TEAD4: variants seen among roughly 807,000 people sequenced by gnomAD.
TEAD4 encodes transcriptional enhancer factor TEF-3.
TEAD4 carries 36 observed loss-of-function variants against 52.4 expected under a neutral mutation model. The ratio of observed to expected loss-of-function variants is 0.69; its 90% CI spans 0.53 to 0.91. The LOEUF (loss-of-function observed/expected upper bound fraction) is 0.91, where lower values mean the gene tolerates loss of function less well. TEAD4 is among the 40% of genes least tolerant of loss of function. TEAD4 has a pLI of 0.00. For synonymous variants in TEAD4, 220 were observed against 231.0 expected (o/e 0.95, Z 0.43); for missense variants, 508 against 583.9 (o/e 0.87, Z 1.34).
intron 2 of TEAD4, among the ~76,000 whole-genome samples, chr12:2,985,485 C>T (rs1449793369): frequency 1.4e-5 from 2 of 147,576 alleles, no homozygotes; most frequent in Non-Finnish European, 3.0e-5. Flanking sequence ...TATAAGCCTT[C>T]TTCTGTTTAC....
At chr12:2,974,503 GA>G (rs1423357668) in intron 2 of TEAD4, among the ~76,000 whole-genome samples, 1 of 152,144 alleles carries the variant, frequency 6.6e-6, no homozygotes, top group Non-Finnish European at 1.5e-5. Flanking sequence ...CCAGAGGCTC[GA>G]GTCTTCATTC....
chr12:3,020,224 G>A (rs1483892288), intron 8 of TEAD4, among the ~76,000 whole-genome samples: 2 of 152,220 alleles, frequency 1.3e-5, no homozygotes, highest in East Asian at 1.9e-4. Context: ...AAACGTCCCC[G>A]TCTCTCCGGG....
At chr12:3,012,258 G>C (rs748044893) in intron 5 of TEAD4, 26 bp downstream of exon 5, 1 of 1,611,118 alleles carries the variant, frequency 6.2e-7, no homozygotes, top group Non-Finnish European at 8.5e-7. Flanking sequence ...TGGGGGTGCT[G>C]GAGTGGCCAG....
At position 3,040,651 on chromosome 12, in the gene TEAD4, C is replaced by A; in HGVS notation, c.*173C>A. ...CTGAGGTGCCCAACCCCAAATAAAC[C>A]CAAGATGCTGTGTATTTTCAGAGGA... On this transcript the variant is annotated 3_prime_UTR_variant, in exon 13 of 13. Coordinates refer to ENST00000359864, the MANE Select transcript of TEAD4 (RefSeq NM_003213.4). The A allele has an allele frequency of 1.6e-6, 1 of 622,776 alleles. No individual in the cohort carries two copies. Among genetic ancestry groups the A allele is most frequent in the African/African-American group, 1.8e-5 (1 of 54,436 alleles). 38.6% of individuals were successfully genotyped at this position (622,776 alleles called of 1,614,324 possible). A position where few individuals can be genotyped will look rare whatever the true frequency, so the allele number is the denominator to read the frequency against.
intron 6 of TEAD4, among the ~76,000 whole-genome samples, chr12:3,018,110 G>T (rs995564258): frequency 6.6e-6 from 1 of 152,238 alleles, no homozygotes; most frequent in African/African-American, 2.4e-5. Context: ...TAGGCACGTG[G>T]GGAAGGGGCA....
At chr12:2,969,782 G>A (rs2098223598) in intron 2 of TEAD4, among the ~76,000 whole-genome samples, 1 of 152,212 alleles carries the variant, frequency 6.6e-6, no homozygotes, top group Non-Finnish European at 1.5e-5. Context: ...CAAGCACGGT[G>A]TTAGGAACAG....
At chr12:3,018,270 G>T (rs371734424) in intron 6 of TEAD4, among the ~76,000 whole-genome samples, 1 of 152,196 alleles carries the variant, frequency 6.6e-6, no homozygotes, top group African/African-American at 2.4e-5. Context: ...TGAGCCTTAG[G>T]TCTGCACTGT....
intron 10 of TEAD4, among the ~76,000 whole-genome samples, chr12:3,028,547 G>A (rs951857176): frequency 6.6e-6 from 1 of 152,176 alleles, no homozygotes; most frequent in African/African-American, 2.4e-5. Flanking sequence ...TTTCCCTGAT[G>A]ACTGATGATG....
chr12:2,977,323 T>G (rs144765613), intron 2 of TEAD4, among the ~76,000 whole-genome samples: 4 of 152,164 alleles, frequency 2.6e-5, no homozygotes, highest in African/African-American at 9.7e-5. Context: ...CTTCCTGCTC[T>G]CTCTCCCTTT....
At chr12:3,020,817 C>G (rs746904718) in intron 9 of TEAD4, 44 bp downstream of exon 9, 1 of 1,499,068 alleles carries the variant, frequency 6.7e-7, no homozygotes, top group Non-Finnish European at 8.9e-7. Context: ...GTCACCCCCT[C>G]TCCCTCTGTT....
intron 2 of TEAD4, among the ~76,000 whole-genome samples, chr12:2,962,925 C>A (rs2098216993): frequency 6.6e-6 from 1 of 152,144 alleles, no homozygotes; most frequent in Non-Finnish European, 1.5e-5. Context: ...TTGTACACCC[C>A]CTACTCCCCC....
intron 3 of TEAD4, among the ~76,000 whole-genome samples, chr12:3,010,028 C>T (rs540848530): frequency 1.3e-5 from 2 of 152,294 alleles, no homozygotes; most frequent in South Asian, 4.1e-4. Context: ...CAGCACAGGG[C>T]GGGCTGGCAC....
intron 2 of TEAD4, among the ~76,000 whole-genome samples, chr12:2,971,023 C>T (rs1202952939): frequency 1.3e-5 from 2 of 152,254 alleles, no homozygotes; most frequent in East Asian, 3.9e-4. Flanking sequence ...CATCAGCTCC[C>T]TCCGACTGCA....
intron 5 of TEAD4, among the ~76,000 whole-genome samples, chr12:3,016,868 T>C (rs1565544571): frequency 6.6e-6 from 1 of 152,152 alleles, no homozygotes; most frequent in Admixed American, 6.6e-5. Flanking sequence ...ACAGTGGGTA[T>C]TTACACTCTG....
At position 3,038,003 on chromosome 12, in the gene TEAD4, C is replaced by T. The variant is rs746692353; in HGVS notation, c.933C>T (p.Ser311=). 1.2e-6 allele frequency: 2 copies of T among 1,614,070 alleles called. No individual in the cohort carries two copies. The highest frequency in any genetic ancestry group is 8.5e-7 in the Non-Finnish European group (1 of 1,179,942). The change falls in exon 11 of 13, where the codon AGC becomes AGT. Residue 311 remains serine (S), a synonymous_variant. Coordinates refer to ENST00000359864, the MANE Select transcript of TEAD4 (RefSeq NM_003213.4). ...ACACCAACATCGAGGATGAAGGCAG[C>T]TCCTTCTATGGGGTCTCCAGCCAGT...
intron 10 of TEAD4, among the ~76,000 whole-genome samples, chr12:3,036,100 G>T (rs1158392539): frequency 6.6e-6 from 1 of 152,188 alleles, no homozygotes; most frequent in Admixed American, 6.5e-5. Flanking sequence ...AAATGCTGCT[G>T]TCTGTTTCAG....
intron 5 of TEAD4, among the ~76,000 whole-genome samples, chr12:3,015,054 G>C (rs2098263348): frequency 6.6e-6 from 1 of 152,158 alleles, no homozygotes; most frequent in African/African-American, 2.4e-5. Context: ...CTCCCTCTTT[G>C]GTTATCAGAG....
At chr12:3,013,595 G>A (rs2098262115) in intron 5 of TEAD4, among the ~76,000 whole-genome samples, 1 of 152,204 alleles carries the variant, frequency 6.6e-6, no homozygotes, top group Non-Finnish European at 1.5e-5. Context: ...TTAGCCAGGT[G>A]TGGTGGCACA....
At chr12:3,023,841 C>G (rs997238027) in intron 10 of TEAD4, among the ~76,000 whole-genome samples, 3 of 151,766 alleles carry the variant, frequency 2.0e-5, no homozygotes, top group Non-Finnish European at 2.9e-5. Flanking sequence ...TACTCCTCCC[C>G]ACACCCAAAT....
Sources: gnomAD v4.1 joint callset for allele counts (sites outside exome capture counted in the v4.1 genomes callset) on GRCh38, gnomAD v4.1.1 for gene constraint, MANE v1.5 for transcripts, NCBI Gene and HGNC (gene_info 2026-07-23, HGNC 2026-07-21) for gene names.